The following ARHGAP15 variants were observed in gnomAD, a reference collection of about 807,000 sequenced individuals.
The protein encoded by ARHGAP15 is Rho GTPase activating protein 15, also known as rho GTPase-activating protein 15.
ARHGAP15 carries 51 observed loss-of-function variants against 63.7 expected under a neutral mutation model. The ratio of observed to expected loss-of-function variants is 0.80; its 90% confidence interval spans 0.64 to 1.01. ARHGAP15 has a LOEUF of 1.01. ARHGAP15 is among the 50% of genes least tolerant of loss of function. The pLI is 0.00. For synonymous variants in ARHGAP15, 191 were observed against 193.8 expected (o/e 0.99, Z 0.12); for missense variants, 560 against 564.6 (o/e 0.99, Z 0.08).
At chr2:143,488,621 T>A (rs925167428) in intron 9 of ARHGAP15, among the ~76,000 whole-genome samples, 23 of 152,348 alleles carry the variant, frequency 1.5e-4, no homozygotes, top group African/African-American at 5.0e-4. Flanking sequence ...GGTGATTTAA[T>A]AAGCAATCAT....
intron 8 of ARHGAP15, among the ~76,000 whole-genome samples, chr2:143,468,657 A>AGTGTGT (rs1168938797): frequency 2.8e-4 from 34 of 122,302 alleles, no homozygotes; most frequent in African/African-American, 9.9e-4. Flanking sequence ...AGAGAGAGAG[A>AGTGTGT]GAGAGAGTGT....
At position 143,179,575 on chromosome 2, in the gene ARHGAP15, A is replaced by G. The variant is rs555619215; in HGVS notation, c.166-22559A>G. On this transcript the variant is annotated intron_variant, in intron 2 of 13. Transcript: ENST00000295095. Reference sequence around the variant, plus strand: ...ATACTATTCTATAGTCTATTAAGAGAGCAATATCATTTTGTATAAAAAACA... The same window carrying G: ...ATACTATTCTATAGTCTATTAAGAGGGCAATATCATTTTGTATAAAAAACA... 2.0e-5 allele frequency among the ~76,000 whole-genome samples: 3 copies of G among 152,286 alleles called. No homozygotes were observed. In the South Asian group the frequency reaches 6.2e-4, roughly 32 times the overall value.
chr2:143,416,929 CT>C (rs1688716104), intron 6 of ARHGAP15, among the ~76,000 whole-genome samples: 1 of 151,300 alleles, frequency 6.6e-6, no homozygotes. Context: ...CCTCTAACCC[CT>C]CTTGGGATGG....
intron 2 of ARHGAP15, among the ~76,000 whole-genome samples, chr2:143,178,872 A>G (rs1421985408): frequency 6.6e-6 from 1 of 152,266 alleles, no homozygotes; most frequent in African/African-American, 2.4e-5. Context: ...TAGAAATGCA[A>G]TATAGAATTG....
chr2:143,351,288 C>A (rs1157393156), intron 6 of ARHGAP15: 1 of 152,150 alleles, frequency 6.6e-6, no homozygotes, highest in African/African-American at 2.4e-5. Flanking sequence ...TTTAAAGGTT[C>A]ATCATGATTG....
intron 13 of ARHGAP15, among the ~76,000 whole-genome samples, chr2:143,758,996 AG>A (rs1339117854): frequency 2.6e-5 from 4 of 152,184 alleles, no homozygotes. Context: ...ACTAAGGCAG[AG>A]GTCTTCATCT....
intron 6 of ARHGAP15, among the ~76,000 whole-genome samples, chr2:143,405,193 GTATAT>G (rs1688147663): frequency 6.6e-6 from 1 of 151,714 alleles, no homozygotes; most frequent in Non-Finnish European, 1.5e-5. Context: ...ATTTTATGAA[GTATAT>G]TAAGTAAGTT....
chr2:143,353,342 T>G (rs1685660305), intron 6 of ARHGAP15, among the ~76,000 whole-genome samples: 1 of 152,132 alleles, frequency 6.6e-6, no homozygotes, highest in South Asian at 2.1e-4. Flanking sequence ...CAACCAAGAT[T>G]AGTCCAGCCC....
intron 3 of ARHGAP15, among the ~76,000 whole-genome samples, chr2:143,205,931 C>A (rs142733317): frequency 1.2e-4 from 19 of 152,174 alleles, no homozygotes; most frequent in African/African-American, 4.1e-4. Flanking sequence ...TCATCCCCCC[C>A]ACTGATCCTA....
rs367975249 is a variant in ARHGAP15 at position 143,244,232 on chromosome 2, TA to T, written c.385-6276del. Among the ~76,000 whole-genome samples, 35 of 151,846 alleles carry T rather than the reference TA, an allele frequency of 2.3e-4. No individual in the cohort carries two copies. In the East Asian group the frequency reaches 2.7e-3, roughly 12 times the overall value. On this transcript the variant is annotated intron_variant, in intron 5 of 13. Transcript: ENST00000295095. Reference sequence around the variant, plus strand: ...GCCACTTTGCTAGATTCTGGAAAAATAAAGAACCATAAGTCAAACCCATTCT... The same window carrying T: ...GCCACTTTGCTAGATTCTGGAAAAATAAGAACCATAAGTCAAACCCATTCT...
At chr2:143,146,865 C>G (rs1181311959) in intron 1 of ARHGAP15, among the ~76,000 whole-genome samples, 1 of 152,030 alleles carries the variant, frequency 6.6e-6, no homozygotes, top group Non-Finnish European at 1.5e-5. Context: ...CTAATAGATA[C>G]AACAGCAAAT....
At chr2:143,155,414 A>C in intron 1 of ARHGAP15, 63 bp from the exon 2 acceptor site, 1 of 1,408,458 alleles carries the variant, frequency 7.1e-7, no homozygotes, top group Non-Finnish European at 9.5e-7. Flanking sequence ...GGGACACTCC[A>C]TCAAGAGTTT....
intron 13 of ARHGAP15, among the ~76,000 whole-genome samples, chr2:143,718,052 A>G (rs1163695162): frequency 6.6e-6 from 1 of 152,154 alleles, no homozygotes; most frequent in Non-Finnish European, 1.5e-5. Flanking sequence ...GGTGACATCC[A>G]GGAATACTTA....
chr2:143,532,125 G>C (rs1308606311), intron 10 of ARHGAP15, among the ~76,000 whole-genome samples: 4 of 152,188 alleles, frequency 2.6e-5, no homozygotes, highest in African/African-American at 9.7e-5. Flanking sequence ...CAGTGACTGG[G>C]AATATTGTTA....
chr2:143,346,220 TCACA>T (rs1553467292), intron 6 of ARHGAP15, among the ~76,000 whole-genome samples: 3 of 124,926 alleles, frequency 2.4e-5, no homozygotes, highest in Non-Finnish European at 4.8e-5. Context: ...ACACTCTCTC[TCACA>T]CACACTCTCT....
chr2:143,159,062 A>G (rs1162102656), intron 2 of ARHGAP15, among the ~76,000 whole-genome samples: 1 of 151,900 alleles, frequency 6.6e-6, no homozygotes, highest in African/African-American at 2.4e-5. Context: ...AACAACGTGT[A>G]TGAATATTCA....
chr2:143,509,993 C>T (rs752586141), intron 9 of ARHGAP15, among the ~76,000 whole-genome samples: 4 of 128,428 alleles, frequency 3.1e-5, no homozygotes, highest in Admixed American at 9.5e-5. Flanking sequence ...GCACTCCAGC[C>T]TGGCGACAGA....
chr2:143,420,826 G>A (rs1050535325), intron 6 of ARHGAP15, among the ~76,000 whole-genome samples: 5 of 152,060 alleles, frequency 3.3e-5, no homozygotes, highest in Non-Finnish European at 7.4e-5. Flanking sequence ...AAGGCTCTTG[G>A]GACTTAAACC....
chr2:143,660,343 G>GA (rs1681693002), intron 12 of ARHGAP15, among the ~76,000 whole-genome samples: 1 of 152,130 alleles, frequency 6.6e-6, no homozygotes, highest in African/African-American at 2.4e-5. Context: ...TGCATTTGGG[G>GA]AAAAGTTGTT....
Sources: gnomAD v4.1 joint callset for allele counts (sites outside exome capture counted in the v4.1 genomes callset) on GRCh38, gnomAD v4.1.1 for gene constraint, MANE v1.5 for transcripts, NCBI Gene and HGNC (gene_info 2026-07-23, HGNC 2026-07-21) for gene names.